The following TAF3 variants were observed in gnomAD, a reference collection of about 807,000 sequenced individuals.
TAF3 encodes the protein transcription initiation factor TFIID subunit 3.
In TAF3, 7 loss-of-function variants were observed where a neutral mutation model predicts 80.6. The observed-to-expected ratio is 0.09, with a 90% confidence interval of 0.05 to 0.16. The LOEUF (loss-of-function observed/expected upper bound fraction) is 0.16. Among genes scored for constraint, TAF3 ranks in the 10% least tolerant of loss-of-function variants. The probability of loss-of-function intolerance (pLI) is 1.00; values close to 1 mark genes in which losing one functional copy is unlikely to be tolerated. For synonymous variants in TAF3, 444 were observed against 446.1 expected, an observed-to-expected ratio of 1.00 and a Z score of 0.06; for missense variants, 921 against 1,140.2, an observed-to-expected ratio of 0.81 and a Z score of 2.77.
At chr10:7,858,827 T>TGTGTGTGCGC (rs575813657) in intron 2 of TAF3, among the ~76,000 whole-genome samples, 3 of 149,218 alleles carry the variant, frequency 2.0e-5, no homozygotes, top group African/African-American at 5.1e-5. Context: ...TGTGTGTGTG[T>TGTGTGTGCGC]GCGCGCGCCT....
chr10:8,002,119 A>C (rs905031894), intron 4 of TAF3, among the ~76,000 whole-genome samples: 1 of 151,822 alleles, frequency 6.6e-6, no homozygotes, highest in East Asian at 1.9e-4. Flanking sequence ...ATTGATCACA[A>C]CTCTCTTCTT....
At chr10:7,909,904 C>T (rs1006042193) in intron 2 of TAF3, among the ~76,000 whole-genome samples, 9 of 152,130 alleles carry the variant, frequency 5.9e-5, no homozygotes, top group African/African-American at 2.2e-4. Flanking sequence ...CCTGCAGATA[C>T]CCAGCTCCAC....
chr10:7,896,373 A>G lies in TAF3; in HGVS notation c.410-67547A>G, dbSNP rs957442231. Among the ~76,000 whole-genome samples the G allele has an allele frequency of 3.3e-5, 5 of 152,220 alleles. No individual in the cohort carries two copies. The East Asian group carries it at 9.6e-4, about 29-fold the overall frequency. ...AATGCTGTCCTGTGCAACTACTCCC[A>G]GGAACTTGGAGGAGGTCCTACGACA... On this transcript the variant is annotated intron_variant, in intron 2 of 6. Coordinates refer to ENST00000344293, the MANE Select transcript of TAF3 (RefSeq NM_031923.4).
At chr10:7,879,906 C>G (rs1427475079) in intron 2 of TAF3, among the ~76,000 whole-genome samples, 1 of 151,866 alleles carries the variant, frequency 6.6e-6, no homozygotes, top group Non-Finnish European at 1.5e-5. Context: ...GAAACAAGAC[C>G]TAGTAAATGA....
intron 2 of TAF3, among the ~76,000 whole-genome samples, chr10:7,959,751 T>G (rs934210249): frequency 1.3e-5 from 2 of 152,240 alleles, no homozygotes. Context: ...AAGGCCTATC[T>G]TGTAGCCATT....
intron 3 of TAF3, among the ~76,000 whole-genome samples, chr10:7,974,300 C>CG (rs1277805176): frequency 2.0e-5 from 3 of 152,124 alleles, no homozygotes; most frequent in Non-Finnish European, 4.4e-5. Flanking sequence ...AAGGAGACAT[C>CG]AGCCAAGAGT....
In TAF3 at chr10:8,014,623, G is replaced by A; in HGVS notation, c.2676-14G>A. ...GTATAAAAGTTGCTTATCTGAGCTT[G>A]TTTTCACGTGCAGGCCCTGTGTTGG... On this transcript the variant is annotated splice_polypyrimidine_tract_variant and intron_variant, in intron 6 of 6. Coordinates refer to ENST00000344293, the MANE Select transcript of TAF3 (RefSeq NM_031923.4). The A allele has an allele frequency of 2.5e-6, 4 of 1,606,796 alleles. No homozygotes were observed. Among genetic ancestry groups the A allele is most frequent in the Non-Finnish European group, 3.4e-6 (4 of 1,176,912 alleles).
intron 2 of TAF3, among the ~76,000 whole-genome samples, chr10:7,866,068 A>G (rs995309519): frequency 6.6e-6 from 1 of 152,226 alleles, no homozygotes; most frequent in African/African-American, 2.4e-5. Flanking sequence ...TTAGTGATGG[A>G]TAAAGGAAAC....
chr10:7,869,881 C>G (rs140152215), intron 2 of TAF3, among the ~76,000 whole-genome samples: 3 of 152,256 alleles, frequency 2.0e-5, no homozygotes, highest in Non-Finnish European at 2.9e-5. Context: ...TGTACTTTTT[C>G]CATTATAAAT....
At chr10:7,821,222 C>CTTTTTTTTGGTGACT (rs58136865) in intron 1 of TAF3, among the ~76,000 whole-genome samples, 1 of 151,528 alleles carries the variant, frequency 6.6e-6, no homozygotes, top group East Asian at 1.9e-4. Context: ...AATTTGGTGA[C>CTTTTTTTTGGTGACT]TTTTTTTTAA....
At chr10:7,876,445 T>A (rs1837312817) in intron 2 of TAF3, among the ~76,000 whole-genome samples, 1 of 152,218 alleles carries the variant, frequency 6.6e-6, no homozygotes, top group African/African-American at 2.4e-5. Context: ...ACATATTGTT[T>A]TCTAAAAGTT....
At position 8,015,704 on chromosome 10, in the gene TAF3, A is replaced by G. The variant is rs1408629414; in HGVS notation, c.*953A>G. 2 of 152,174 alleles carry G rather than the reference A, an allele frequency of 1.3e-5. No homozygotes were observed. Among genetic ancestry groups the G allele is most frequent in the African/African-American group, 4.8e-5 (2 of 41,440 alleles). The allele number at this position is 152,174 out of a possible 1,614,324, so 9.4% of individuals were successfully genotyped here. ...CTCAGCCTGCGCAGTGCCCGGAAACATGGTGGGGAAAGGGCCCGAGCAGTT... is the reference window on the plus strand; with the variant it reads ...CTCAGCCTGCGCAGTGCCCGGAAACGTGGTGGGGAAAGGGCCCGAGCAGTT... On this transcript the variant is annotated 3_prime_UTR_variant, in exon 7 of 7. Coordinates refer to ENST00000344293, the MANE Select transcript of TAF3 (RefSeq NM_031923.4).
chr10:7,945,981 T>A (rs1015555775), intron 2 of TAF3, among the ~76,000 whole-genome samples: 1 of 152,218 alleles, frequency 6.6e-6, no homozygotes, highest in East Asian at 1.9e-4. Context: ...ATTTGTTGAA[T>A]GAATGGATGG....
At chr10:7,853,831 A>G (rs1200140492) in intron 2 of TAF3, among the ~76,000 whole-genome samples, 6 of 152,220 alleles carry the variant, frequency 3.9e-5, no homozygotes, top group African/African-American at 1.4e-4. Flanking sequence ...TCTGTAGTCT[A>G]AACCAACATT....
chr10:7,964,376 C>T lies in TAF3; in HGVS notation c.866C>T (p.Ala289Val). 6.2e-7 allele frequency: 1 copy of T among 1,614,110 alleles called. No homozygotes were observed. Residue 289 changes from alanine (A) to valine (V), a missense_variant, in exon 3 of 7, where the codon GCC (alanine) becomes GTC (valine). Ala to Val is a moderately conservative substitution (Grantham distance 64). This residue lies in a region of TAF3 where 743 missense variants were observed against 821.0 expected (regional missense o/e 0.90). Coordinates refer to ENST00000344293, the MANE Select transcript of TAF3 (RefSeq NM_031923.4). This position sits in a 1 kb window ranked among gnomAD's most constrained non-coding sequence, Gnocchi z 4.1. Reference sequence around the variant, plus strand: ...CAGAAGACTAAATCACCTAAAACCGCCCAGTCACCAGCAATGGTCGGAAGT... The same window carrying T: ...CAGAAGACTAAATCACCTAAAACCGTCCAGTCACCAGCAATGGTCGGAAGT... Reference protein sequence around the residue: ...PGQKTKSPKTAQSPAMVGSPI... With the variant: ...PGQKTKSPKTVQSPAMVGSPI...
intron 2 of TAF3, among the ~76,000 whole-genome samples, chr10:7,875,547 G>A (rs568325287): frequency 1.6e-4 from 25 of 152,288 alleles, no homozygotes; most frequent in South Asian, 1.5e-3. Flanking sequence ...CAGAGCCAGC[G>A]GGCACGAAGG....
At chr10:7,863,160 T>C (rs1436475452) in intron 2 of TAF3, among the ~76,000 whole-genome samples, 2 of 152,216 alleles carry the variant, frequency 1.3e-5, no homozygotes, top group African/African-American at 2.4e-5. Context: ...TCAGACCCTT[T>C]ATGATTCTTG....
chr10:7,914,238 G>A (rs183108970), intron 2 of TAF3, among the ~76,000 whole-genome samples: 1 of 152,278 alleles, frequency 6.6e-6, no homozygotes, highest in Admixed American at 6.5e-5. Context: ...ATTACTTACT[G>A]GTGAAATAAT....
Position 7,974,355 on chromosome 10 carries a change from G to A in TAF3, c.2233-2886G>A, listed in dbSNP as rs144648356. On this transcript the variant is annotated intron_variant, in intron 3 of 6. Transcript: ENST00000344293. Reference sequence around the variant, plus strand: ...GGGCGGTTTGTGGGCAAGTTGATACGTTAAGATTTCAGTGTGATGAGATGA... The same window carrying A: ...GGGCGGTTTGTGGGCAAGTTGATACATTAAGATTTCAGTGTGATGAGATGA... Among the ~76,000 whole-genome samples, 41 of 152,230 alleles carry A rather than the reference G, an allele frequency of 2.7e-4. No homozygotes were observed. The East Asian group carries it at 5.4e-3, about 20-fold the overall frequency.
Sources: allele counts gnomAD v4.1 joint callset (sites outside exome capture counted in the v4.1 genomes callset), GRCh38; gene constraint gnomAD v4.1.1; regional missense constraint gnomAD v4.1.1; non-coding constraint Gnocchi (gnomAD v3.1); transcripts MANE v1.5; gene names NCBI Gene and HGNC (gene_info 2026-07-23, HGNC 2026-07-21).